The following SMYD3 variants were observed in gnomAD, a reference collection of about 807,000 sequenced individuals.
SMYD3 encodes the protein histone-lysine N-methyltransferase SMYD3.
A neutral mutation model predicts 57.7 loss-of-function variants in SMYD3; 36 were observed. The ratio of observed to expected loss-of-function variants is 0.62; its 90% CI spans 0.48 to 0.82. The LOEUF (loss-of-function observed/expected upper bound fraction) is 0.82. SMYD3 is among the 40% of genes least tolerant of loss of function. SMYD3 has a pLI of 0.00. For synonymous variants in SMYD3, 211 were observed against 195.0 expected, an observed-to-expected ratio of 1.08 and a Z score of -0.68; for missense variants, 515 against 538.8, an observed-to-expected ratio of 0.96 and a Z score of 0.44.
chr1:246,125,083 A>ACACACACACACACAC (rs770348655), intron 5 of SMYD3, among the ~76,000 whole-genome samples: 1 of 109,540 alleles, frequency 9.1e-6, no homozygotes, highest in South Asian at 2.5e-4. Context: ...AAAAAAAAAA[A>ACACACACACACACAC]AAAAACACAC....
chr1:246,034,571 T>C (rs980066471), intron 5 of SMYD3: 17 of 152,270 alleles, frequency 1.1e-4, no homozygotes, highest in African/African-American at 3.9e-4. Flanking sequence ...GTCTCATATA[T>C]GAAGACTCAG....
intron 10 of SMYD3, among the ~76,000 whole-genome samples, chr1:245,826,762 T>C (rs190041014): frequency 6.6e-6 from 1 of 152,210 alleles, no homozygotes; most frequent in Non-Finnish European, 1.5e-5. Flanking sequence ...GAAGGCGAAG[T>C]GGAAGCAAGG....
intron 5 of SMYD3, among the ~76,000 whole-genome samples, chr1:246,171,932 G>A (rs986589776): frequency 6.6e-6 from 1 of 152,178 alleles, no homozygotes; most frequent in African/African-American, 2.4e-5. Flanking sequence ...AATTGCTTGA[G>A]CCCAGGAGTT....
chr1:246,445,354 C>A (rs1025419705), intron 1 of SMYD3, among the ~76,000 whole-genome samples: 6 of 152,196 alleles, frequency 3.9e-5, no homozygotes, highest in African/African-American at 1.4e-4. Flanking sequence ...GAACACCAAG[C>A]CAACTCAGGC....
At chr1:246,140,988 A>C (rs1439480351) in intron 5 of SMYD3, among the ~76,000 whole-genome samples, 1 of 152,226 alleles carries the variant, frequency 6.6e-6, no homozygotes, top group Non-Finnish European at 1.5e-5. Flanking sequence ...TTTAGGATCA[A>C]TACTTACTAT....
chr1:246,070,263 A>C (rs1177993673), intron 5 of SMYD3, among the ~76,000 whole-genome samples: 1 of 152,108 alleles, frequency 6.6e-6, no homozygotes, highest in Non-Finnish European at 1.5e-5. Flanking sequence ...TCTTACTTTT[A>C]TGGATGATGA....
intron 5 of SMYD3, among the ~76,000 whole-genome samples, chr1:246,081,106 C>G (rs537116087): frequency 6.6e-6 from 1 of 152,318 alleles, no homozygotes; most frequent in South Asian, 2.1e-4. Flanking sequence ...AAATTTAACT[C>G]CTATGACCTT....
In SMYD3 at chr1:245,880,535, C is replaced by T. The variant is rs193040123; in HGVS notation, c.814-16649G>A. On this transcript the variant is annotated intron_variant, in intron 8 of 11. Coordinates refer to ENST00000490107, the MANE Select transcript of SMYD3 (RefSeq NM_001167740.2). ...CAACATTTACTGAGGGTTTATTGTG[C>T]TAATTACTTTAAACACTGTATCTTA... Among the ~76,000 whole-genome samples, 607 of 152,280 alleles carry T rather than the reference C, an allele frequency of 4.0e-3. 6 individuals are homozygous for T. Among genetic ancestry groups the T allele is most frequent in the African/African-American group, 0.014 (585 of 41,546 alleles).
intron 1 of SMYD3, among the ~76,000 whole-genome samples, chr1:246,378,637 C>T (rs1479931393): frequency 1.0e-5 from 1 of 95,724 alleles, no homozygotes; most frequent in Non-Finnish European, 2.1e-5. Flanking sequence ...ATAATCTCCC[C>T]TTCATATATA....
chr1:246,008,225 A>G (rs911817787), intron 5 of SMYD3, among the ~76,000 whole-genome samples: 2 of 152,244 alleles, frequency 1.3e-5, no homozygotes, highest in Non-Finnish European at 2.9e-5. Flanking sequence ...ATGAAGAAAC[A>G]CAACCTGTGC....
intron 5 of SMYD3, among the ~76,000 whole-genome samples, chr1:246,060,861 T>C (rs1379746847): frequency 6.6e-6 from 1 of 152,228 alleles, no homozygotes; most frequent in Non-Finnish European, 1.5e-5. Context: ...ACTAACTGGC[T>C]GACTACACAC....
At chr1:246,433,801 C>G (rs1270376347) in intron 1 of SMYD3, among the ~76,000 whole-genome samples, 1 of 152,054 alleles carries the variant, frequency 6.6e-6, no homozygotes, top group Non-Finnish European at 1.5e-5. Flanking sequence ...AAAAAGAGCC[C>G]AAAGGATTGC....
At chr1:246,279,162 G>A (rs968464362) in intron 5 of SMYD3, among the ~76,000 whole-genome samples, 9 of 152,114 alleles carry the variant, frequency 5.9e-5, no homozygotes, top group Non-Finnish European at 1.2e-4. Context: ...ACACCCCTTG[G>A]CTCTAAGTGG....
Position 246,355,320 on chromosome 1 carries a change from G to A in SMYD3, c.165-226C>T, listed in dbSNP as rs1382413518. The A allele has an allele frequency of 7.8e-6, 4 of 512,656 alleles. No individual in the cohort carries two copies. In the South Asian group the frequency reaches 9.0e-5, roughly 12 times the overall value. The allele number at this position is 512,656 out of a possible 1,614,324, so 31.8% of individuals were successfully genotyped here. On this transcript the variant is annotated intron_variant, in intron 1 of 11. Transcript: ENST00000490107. This position sits in a 1 kb window ranked among gnomAD's most constrained non-coding sequence, Gnocchi z 5.0. Reference sequence around the variant, plus strand: ...TCCTTTTGTCTGACAGAAGATGGCGGGGAAGAGGCAGGACCAGCTTGCAGC... The same window carrying A: ...TCCTTTTGTCTGACAGAAGATGGCGAGGAAGAGGCAGGACCAGCTTGCAGC...
chr1:246,061,635 T>C (rs2060253693), intron 5 of SMYD3, among the ~76,000 whole-genome samples: 1 of 151,844 alleles, frequency 6.6e-6, no homozygotes, highest in African/African-American at 2.4e-5. Context: ...GAGGCTGAAC[T>C]GGGAGGATCG....
chr1:246,141,524 C>A (rs556646767), intron 5 of SMYD3, among the ~76,000 whole-genome samples: 22 of 152,272 alleles, frequency 1.4e-4, no homozygotes, highest in African/African-American at 5.3e-4. Flanking sequence ...CCTCAATTCT[C>A]TCCTTCACAG....
chr1:245,888,185 G>A (rs1036542934), intron 8 of SMYD3, among the ~76,000 whole-genome samples: 1 of 152,164 alleles, frequency 6.6e-6, no homozygotes, highest in African/African-American at 2.4e-5. Flanking sequence ...AAAAGCACTG[G>A]CCAATGTCAG....
At chr1:245,923,738 G>A (rs60717669) in intron 7 of SMYD3, among the ~76,000 whole-genome samples, 1,606 of 152,248 alleles carry the variant, frequency 0.011, 32 homozygotes, top group African/African-American at 0.035. Flanking sequence ...CTGAGCTGCT[G>A]TAAGCCTGTG....
chr1:246,322,577 T>C (rs1274084771), intron 5 of SMYD3: 1 of 152,186 alleles, frequency 6.6e-6, no homozygotes, highest in East Asian at 1.9e-4. Context: ...ATCTCCTGTG[T>C]TCATCTGTAT....
Sources: allele counts gnomAD v4.1 joint callset (sites outside exome capture counted in the v4.1 genomes callset), GRCh38; gene constraint gnomAD v4.1.1; non-coding constraint Gnocchi (gnomAD v3.1); transcripts MANE v1.5; gene names NCBI Gene and HGNC (gene_info 2026-07-23, HGNC 2026-07-21).